Variants in EIPR1 observed in about 807,000 individuals in gnomAD.
EIPR1 encodes the protein EARP and GARP complex-interacting protein 1.
A neutral mutation model predicts 48.1 loss-of-function variants in EIPR1; 25 were observed. The ratio of observed to expected loss-of-function variants is 0.52; its 90% CI spans 0.38 to 0.73. The LOEUF is 0.73. Among genes scored for constraint, EIPR1 ranks in the 30% least tolerant of loss-of-function variants. EIPR1 has a pLI of 0.00. For missense variants in EIPR1, 415 were observed against 506.2 expected (o/e 0.82, Z 1.73); for synonymous variants, 204 against 201.9 (o/e 1.01, Z -0.09).
intron 1 of EIPR1, among the ~76,000 whole-genome samples, chr2:3,373,616 C>T (rs1254807954): frequency 6.6e-6 from 1 of 152,104 alleles, no homozygotes; most frequent in African/African-American, 2.4e-5. Flanking sequence ...CATAAGTGAA[C>T]TCCCATTCAC....
chr2:3,322,945 G>A (rs942913250), intron 3 of EIPR1, among the ~76,000 whole-genome samples: 4 of 152,216 alleles, frequency 2.6e-5, no homozygotes, highest in African/African-American at 4.8e-5. Context: ...CTTGGCGTAC[G>A]TGCGAGGTGT....
At position 3,286,896 on chromosome 2, in the gene EIPR1, G is replaced by A. The variant is rs991793289; in HGVS notation, c.260-29441C>T. Among the ~76,000 whole-genome samples the A allele has an allele frequency of 3.3e-5, 5 of 150,318 alleles. No homozygotes were observed. The highest frequency in any genetic ancestry group is 5.9e-5 in the Non-Finnish European group (4 of 67,716). On this transcript the variant is annotated intron_variant, in intron 3 of 8. Coordinates refer to ENST00000382125, the MANE Select transcript of EIPR1 (RefSeq NM_003310.5). This position sits in a 1 kb window ranked among gnomAD's most constrained non-coding sequence, Gnocchi z 4.2. ...CAGAGTGCCAGCCAGCAGAGGGGGC[G>A]GTGGGGAGCACACAGAGTGCCAGCC...
At chr2:3,330,189 A>G (rs1392856423) in intron 3 of EIPR1, among the ~76,000 whole-genome samples, 2 of 152,202 alleles carry the variant, frequency 1.3e-5, no homozygotes, top group African/African-American at 4.8e-5. Flanking sequence ...AGTGACCACC[A>G]CTCAATACGT....
At chr2:3,375,320 T>C (rs1420852822) in intron 1 of EIPR1, among the ~76,000 whole-genome samples, 1 of 151,634 alleles carries the variant, frequency 6.6e-6, no homozygotes, top group African/African-American at 2.4e-5. Flanking sequence ...GCATGGCACA[T>C]GTATACATAT....
intron 3 of EIPR1, among the ~76,000 whole-genome samples, chr2:3,330,842 G>A (rs1230982228): frequency 6.6e-6 from 1 of 151,552 alleles, no homozygotes; most frequent in Non-Finnish European, 1.5e-5. Context: ...GATGGTGTGA[G>A]CAGAGACAGG....
chr2:3,365,072 ATTAAC>A (rs1670940369), intron 1 of EIPR1, among the ~76,000 whole-genome samples: 1 of 152,204 alleles, frequency 6.6e-6, no homozygotes, highest in Non-Finnish European at 1.5e-5. Flanking sequence ...ATATAAATGT[ATTAAC>A]TTATCATATA....
chr2:3,197,062 G>A, intron 5 of EIPR1, 45 bp from the exon 6 acceptor site: 1 of 1,608,810 alleles, frequency 6.2e-7, no homozygotes, highest in African/African-American at 1.3e-5. Flanking sequence ...AAAAGAAGAA[G>A]AATGTGAAGT....
chr2:3,214,481 C>T, intron 4 of EIPR1: 1 of 422,780 alleles, frequency 2.4e-6, no homozygotes, highest in Non-Finnish European at 4.3e-6. Context: ...TCCTAGCCCC[C>T]CACCTGGTGT....
chr2:3,196,225 G>GTTA (rs1664802416), intron 6 of EIPR1, among the ~76,000 whole-genome samples: 1 of 152,204 alleles, frequency 6.6e-6, no homozygotes, highest in Non-Finnish European at 1.5e-5. Context: ...ATCAACACGA[G>GTTA]TTATTGCATG....
chr2:3,364,653 G>GAA lies in EIPR1; in HGVS notation c.43-10022_43-10021dup, dbSNP rs548342426. The stretch of plus-strand genomic sequence containing the variant: ...CTCCCTGTCTCAAAAAAAAAAGAAA[G>GAA]AAAAAAAAAAAGAATGAAATCTTGT... On this transcript the variant is annotated intron_variant, in intron 1 of 8. Transcript: ENST00000382125. Among the ~76,000 whole-genome samples, 1,074 of 139,026 alleles carry GAA rather than the reference G, an allele frequency of 7.7e-3. 23 individuals carry two copies. The highest frequency in any genetic ancestry group is 0.027 in the African/African-American group (1,033 of 37,904). 91.2% of individuals were successfully genotyped at this position (139,026 alleles called of 152,430 possible). A position where few individuals can be genotyped will look rare whatever the true frequency, so the allele number is the denominator to read the frequency against.
chr2:3,329,212 C>T (rs1294134051), intron 3 of EIPR1, among the ~76,000 whole-genome samples: 2 of 147,566 alleles, frequency 1.4e-5, no homozygotes, highest in Non-Finnish European at 1.5e-5. Flanking sequence ...TGAATCAGAG[C>T]CCACCCACCA....
intron 5 of EIPR1, chr2:3,208,055 C>T (rs1347792394): frequency 6.5e-6 from 1 of 154,618 alleles, no homozygotes; most frequent in Non-Finnish European, 1.4e-5. Context: ...TTTAATGATG[C>T]AGTCTCTGCT....
intron 3 of EIPR1, among the ~76,000 whole-genome samples, chr2:3,261,239 G>T (rs1024849736): frequency 1.3e-5 from 2 of 152,112 alleles, no homozygotes; most frequent in Admixed American, 6.6e-5. Context: ...ATTCCTAGGG[G>T]TGAAACAGAC....
chr2:3,349,868 A>G (rs1265966380), intron 2 of EIPR1, among the ~76,000 whole-genome samples: 2 of 152,208 alleles, frequency 1.3e-5, no homozygotes, highest in East Asian at 3.8e-4. Context: ...TCACGCCTGT[A>G]ATCCCAGCAC....
At chr2:3,206,190 C>A (rs1274421340) in intron 5 of EIPR1, among the ~76,000 whole-genome samples, 1 of 152,198 alleles carries the variant, frequency 6.6e-6, no homozygotes, top group East Asian at 1.9e-4. Flanking sequence ...GACACCCAGG[C>A]TCTTGTGGTG....
At chr2:3,193,145 C>T (rs1239971121) in intron 7 of EIPR1, among the ~76,000 whole-genome samples, 4 of 152,234 alleles carry the variant, frequency 2.6e-5, no homozygotes, top group African/African-American at 7.2e-5. Context: ...GTGCCAGGCC[C>T]TTGACGCTAG....
chr2:3,271,813 C>A (rs1020314937), intron 3 of EIPR1, among the ~76,000 whole-genome samples: 2 of 152,230 alleles, frequency 1.3e-5, no homozygotes. Flanking sequence ...ATGAGAGAGT[C>A]AGCCTGTCCA....
chr2:3,215,280 A>C (rs951634166), intron 4 of EIPR1, among the ~76,000 whole-genome samples: 1 of 152,196 alleles, frequency 6.6e-6, no homozygotes, highest in Non-Finnish European at 1.5e-5. Flanking sequence ...CAGGATGCCC[A>C]CATCCTTTGT....
intron 4 of EIPR1, among the ~76,000 whole-genome samples, chr2:3,247,777 A>T (rs1666878228): frequency 6.6e-6 from 1 of 152,186 alleles, no homozygotes; most frequent in Non-Finnish European, 1.5e-5. Flanking sequence ...AACCATATAC[A>T]ATATTTTTAA....
Sources: allele counts gnomAD v4.1 joint callset (sites outside exome capture counted in the v4.1 genomes callset), GRCh38; gene constraint gnomAD v4.1.1; non-coding constraint Gnocchi (gnomAD v3.1); transcripts MANE v1.5; gene names NCBI Gene and HGNC (gene_info 2026-07-23, HGNC 2026-07-21).